Variants in PTPRD observed in about 807,000 individuals in gnomAD.
PTPRD encodes the protein receptor-type tyrosine-protein phosphatase delta.
PTPRD carries 34 observed loss-of-function variants against 214.5 expected under a neutral mutation model. The observed-to-expected ratio is 0.16, with a 90% CI of 0.12 to 0.21. PTPRD has a LOEUF of 0.21. Ranked by LOEUF, PTPRD falls within the 10% of genes least tolerant of loss-of-function variation. The pLI is 1.00. For synonymous variants in PTPRD, 1,128 were observed against 845.7 expected (o/e 1.33, Z -5.79); for missense variants, 2,545 against 2,398.7 (o/e 1.06, Z -1.27).
At chr9:9,326,826 T>C (rs1487207214) in intron 9 of PTPRD, among the ~76,000 whole-genome samples, 3 of 152,108 alleles carry the variant, frequency 2.0e-5, no homozygotes, top group Admixed American at 1.3e-4. Context: ...TTTCACCTTA[T>C]AAAAACTTTT....
chr9:8,929,867 A>ATG (rs71317382), intron 11 of PTPRD, among the ~76,000 whole-genome samples: 3 of 78,594 alleles, frequency 3.8e-5, no homozygotes, highest in East Asian at 9.8e-4. Context: ...GTGTATATAC[A>ATG]TGTGTGTGTA....
At chr9:9,820,361 T>A (rs1161551968) in intron 5 of PTPRD, among the ~76,000 whole-genome samples, 3 of 152,204 alleles carry the variant, frequency 2.0e-5, no homozygotes, top group Non-Finnish European at 2.9e-5. Flanking sequence ...ATTGTTTCAG[T>A]TCCTTGTAGA....
chr9:8,439,685 C>T (rs1008204530), intron 34 of PTPRD, among the ~76,000 whole-genome samples: 1 of 152,052 alleles, frequency 6.6e-6, no homozygotes, highest in Admixed American at 6.6e-5. Context: ...GACCAAGGAT[C>T]TACTTCAAAA....
chr9:10,455,291 C>A (rs1274933587), intron 2 of PTPRD, among the ~76,000 whole-genome samples: 1 of 151,620 alleles, frequency 6.6e-6, no homozygotes, highest in African/African-American at 2.4e-5. Context: ...TCTCTGCTTT[C>A]AGTTACTAAG....
At chr9:9,099,705 T>C (rs2099788664) in intron 10 of PTPRD, among the ~76,000 whole-genome samples, 1 of 152,200 alleles carries the variant, frequency 6.6e-6, no homozygotes, top group Admixed American at 6.5e-5. Flanking sequence ...ACTGAAAGCG[T>C]CACGCTGTGT....
In PTPRD at chr9:8,906,855, C is replaced by G. The variant is rs114640556; in HGVS notation, c.-104+111842G>C. On this transcript the variant is annotated intron_variant, in intron 11 of 45. Transcript: ENST00000381196. ...GAGCACCATGGAAGGTCTTGCTAAA[C>G]TCTACACATCCCCGGCTGACTGCAA... Among the ~76,000 whole-genome samples, 219 of 152,150 alleles carry G rather than the reference C, an allele frequency of 1.4e-3. 1 individual carries two copies. Among genetic ancestry groups the G allele is most frequent in the African/African-American group, 5.0e-3 (207 of 41,508 alleles).
At chr9:10,034,307 T>C (rs939897166) in intron 3 of PTPRD, among the ~76,000 whole-genome samples, 9 of 152,060 alleles carry the variant, frequency 5.9e-5, no homozygotes, top group Non-Finnish European at 1.2e-4. Context: ...TAATCTCTGA[T>C]TATTTAACCT....
intron 3 of PTPRD, among the ~76,000 whole-genome samples, chr9:10,294,457 C>A (rs756099635): frequency 1.3e-4 from 19 of 151,854 alleles, no homozygotes; most frequent in Non-Finnish European, 2.7e-4. Context: ...TGGACAATGA[C>A]TGTAAATCAA....
chr9:9,314,293 C>T (rs1380285433), intron 9 of PTPRD, among the ~76,000 whole-genome samples: 2 of 152,082 alleles, frequency 1.3e-5, no homozygotes, highest in African/African-American at 2.4e-5. Context: ...AATTTGTATT[C>T]TGAGTTCATT....
chr9:10,610,222 G>GA (rs1165894425), intron 2 of PTPRD, among the ~76,000 whole-genome samples: 3 of 152,116 alleles, frequency 2.0e-5, no homozygotes, highest in Admixed American at 1.3e-4. Context: ...ATTATATAGA[G>GA]ACAGGGATCA....
intron 5 of PTPRD, among the ~76,000 whole-genome samples, chr9:9,782,436 T>C (rs758307822): frequency 5.9e-5 from 9 of 152,216 alleles, no homozygotes; most frequent in Non-Finnish European, 1.0e-4. Flanking sequence ...TTTGCATCTT[T>C]AAATGATTAT....
At chr9:9,690,321 T>C (rs577687259) in intron 7 of PTPRD, among the ~76,000 whole-genome samples, 4 of 152,052 alleles carry the variant, frequency 2.6e-5, no homozygotes, top group Admixed American at 2.6e-4. Context: ...TTTTGCCCAT[T>C]TTTAAAACAG....
chr9:9,973,745 A>T lies in PTPRD; in HGVS notation c.-471-35135T>A, dbSNP rs1587877892. Among the ~76,000 whole-genome samples the T allele has an allele frequency of 1.3e-5, 2 of 152,300 alleles. 1 individual carries two copies. Among genetic ancestry groups the T allele is most frequent in the Middle Eastern group, 6.8e-3 (2 of 292 alleles). On this transcript the variant is annotated intron_variant, in intron 4 of 45. Coordinates refer to ENST00000381196, the MANE Select transcript of PTPRD (RefSeq NM_002839.4). ...AGCTAAGAAAGGATATATTGGTGTG[A>T]AAACATGTTACTTGGCACAGAGTAA...
chr9:9,813,227 A>T (rs2047703473), intron 5 of PTPRD, among the ~76,000 whole-genome samples: 1 of 152,040 alleles, frequency 6.6e-6, no homozygotes, highest in African/African-American at 2.4e-5. Context: ...ACCTAATTTT[A>T]CATCTGAAGA....
chr9:10,269,767 A>G (rs2154381768), intron 3 of PTPRD, among the ~76,000 whole-genome samples: 1 of 152,300 alleles, frequency 6.6e-6, no homozygotes, highest in Non-Finnish European at 1.5e-5. Flanking sequence ...GTTTTACAAA[A>G]ATATCTACAA....
At chr9:10,453,338 A>C (rs2098863416) in intron 2 of PTPRD, among the ~76,000 whole-genome samples, 1 of 151,594 alleles carries the variant, frequency 6.6e-6, no homozygotes, top group Non-Finnish European at 1.5e-5. Context: ...AAGTTCTTTT[A>C]ATTTAAAAAA....
intron 3 of PTPRD, among the ~76,000 whole-genome samples, chr9:10,243,626 TA>T (rs1179741097): frequency 2.0e-5 from 3 of 151,920 alleles, no homozygotes; most frequent in Non-Finnish European, 2.9e-5. Flanking sequence ...TTGGGATACT[TA>T]AAAAAAGAGA....
At chr9:10,290,539 C>T (rs2154400028) in intron 3 of PTPRD, among the ~76,000 whole-genome samples, 1 of 152,212 alleles carries the variant, frequency 6.6e-6, no homozygotes, top group Non-Finnish European at 1.5e-5. Context: ...TTAAAAATTA[C>T]AGATTCCAAT....
At chr9:10,354,511 G>C (rs2097238071) in intron 2 of PTPRD, among the ~76,000 whole-genome samples, 1 of 152,136 alleles carries the variant, frequency 6.6e-6, no homozygotes, top group African/African-American at 2.4e-5. Context: ...AGTCACATTT[G>C]ATTCCTACCT....
Sources: gnomAD v4.1 joint callset for allele counts (sites outside exome capture counted in the v4.1 genomes callset) on GRCh38, gnomAD v4.1.1 for gene constraint, MANE v1.5 for transcripts, NCBI Gene and HGNC (gene_info 2026-07-23, HGNC 2026-07-21) for gene names.